The following PCDH15 variants were observed in gnomAD, a reference collection of about 807,000 sequenced individuals.
The protein encoded by PCDH15 is protocadherin-15.
In PCDH15, 129 loss-of-function variants were observed where a neutral mutation model predicts 178.5. The ratio of observed to expected loss-of-function variants is 0.72; its 90% confidence interval spans 0.63 to 0.84. The LOEUF (loss-of-function observed/expected upper bound fraction) is 0.84. Among genes scored for constraint, PCDH15 ranks in the 40% least tolerant of loss-of-function variants. PCDH15 has a pLI of 0.00. For synonymous variants in PCDH15, 800 were observed against 732.0 expected (o/e 1.09, Z -1.50); for missense variants, 2,230 against 2,099.9 (o/e 1.06, Z -1.21).
At chr10:55,407,143 T>C (rs1485984245) in intron 2 of PCDH15, among the ~76,000 whole-genome samples, 1 of 151,664 alleles carries the variant, frequency 6.6e-6, no homozygotes, top group African/African-American at 2.4e-5. Flanking sequence ...TGAAGATACA[T>C]GGATGGTTTT....
At chr10:55,012,150 A>C (rs1840060358) in intron 2 of PCDH15, among the ~76,000 whole-genome samples, 1 of 152,148 alleles carries the variant, frequency 6.6e-6, no homozygotes, top group Admixed American at 6.6e-5. Flanking sequence ...ATTTAAAAAT[A>C]ATCAAGTTGA....
At chr10:54,393,198 T>G (rs1452413990) in intron 3 of PCDH15, among the ~76,000 whole-genome samples, 5 of 152,172 alleles carry the variant, frequency 3.3e-5, no homozygotes, top group African/African-American at 1.2e-4. Flanking sequence ...AGTGGTGGTA[T>G]GAAGTCAAGT....
chr10:55,495,596 T>C (rs146645774), intron 2 of PCDH15, among the ~76,000 whole-genome samples: 1 of 151,810 alleles, frequency 6.6e-6, no homozygotes, highest in African/African-American at 2.4e-5. Context: ...ACATAATAAC[T>C]TGTGTGCTCC....
At chr10:54,940,325 A>G (rs1359008049) in intron 2 of PCDH15, among the ~76,000 whole-genome samples, 1 of 152,016 alleles carries the variant, frequency 6.6e-6, no homozygotes, top group African/African-American at 2.4e-5. Context: ...TAATGTCCAA[A>G]TATTTGTAAA....
At chr10:55,266,890 G>A (rs1348539388) in intron 1 of PCDH15, among the ~76,000 whole-genome samples, 9 of 152,192 alleles carry the variant, frequency 5.9e-5, no homozygotes, top group Non-Finnish European at 1.3e-4. Flanking sequence ...GCCTATAGAT[G>A]GCTAAACTGA....
At chr10:54,107,173 T>C (rs2094931287) in intron 15 of PCDH15, among the ~76,000 whole-genome samples, 1 of 152,200 alleles carries the variant, frequency 6.6e-6, no homozygotes, top group South Asian at 2.1e-4. Context: ...TCTGTTCTCT[T>C]ATATACTACT....
At chr10:54,822,675 G>A (rs1228411094) in intron 3 of PCDH15, among the ~76,000 whole-genome samples, 2 of 151,820 alleles carry the variant, frequency 1.3e-5, no homozygotes, top group Non-Finnish European at 2.9e-5. Flanking sequence ...TGGATCACAT[G>A]GTAATTCTAT....
chr10:54,260,670 T>G (rs891450131), intron 8 of PCDH15, among the ~76,000 whole-genome samples: 1 of 151,994 alleles, frequency 6.6e-6, no homozygotes, highest in Non-Finnish European at 1.5e-5. Flanking sequence ...AACCTCCACC[T>G]CCCCGGTTCA....
At chr10:53,954,085 C>T (rs1033724280) in intron 23 of PCDH15, among the ~76,000 whole-genome samples, 9 of 152,100 alleles carry the variant, frequency 5.9e-5, no homozygotes, top group Non-Finnish European at 1.0e-4. Context: ...CAACTGCGCC[C>T]GGCTGTAAAG....
intron 2 of PCDH15, among the ~76,000 whole-genome samples, chr10:55,025,468 A>T (rs1840453556): frequency 2.6e-5 from 4 of 152,138 alleles, no homozygotes; most frequent in African/African-American, 9.6e-5. Flanking sequence ...TCATCTATTT[A>T]CAGCCATTCT....
intron 2 of PCDH15, among the ~76,000 whole-genome samples, chr10:55,036,778 C>G (rs546223818): frequency 6.6e-6 from 1 of 152,084 alleles, no homozygotes; most frequent in Non-Finnish European, 1.5e-5. Context: ...AAACTATAAA[C>G]AATAAACTTA....
intron 1 of PCDH15, among the ~76,000 whole-genome samples, chr10:55,175,213 C>T (rs1252970244): frequency 6.6e-6 from 1 of 152,092 alleles, no homozygotes; most frequent in African/African-American, 2.4e-5. Flanking sequence ...AACACTAAGC[C>T]TCTCAGTTAC....
intron 13 of PCDH15, among the ~76,000 whole-genome samples, chr10:54,156,990 A>C (rs1187370737): frequency 6.6e-6 from 1 of 152,204 alleles, no homozygotes; most frequent in African/African-American, 2.4e-5. Flanking sequence ...GTGGGTTTCC[A>C]TGCTCATAGG....
At chr10:55,587,846 G>A (rs1489853209) in intron 2 of PCDH15, among the ~76,000 whole-genome samples, 1 of 152,140 alleles carries the variant, frequency 6.6e-6, no homozygotes, top group Admixed American at 6.5e-5. Flanking sequence ...GTCTGAAAGA[G>A]TATCTGAACA....
In PCDH15 at chr10:55,158,171, C is replaced by CGT. The variant is rs1564847568; in HGVS notation, c.-80+8404_-80+8405insAC. 5.5e-3 allele frequency among the ~76,000 whole-genome samples: 833 copies of CGT among 151,498 alleles called. 6 individuals carry two copies. The highest frequency in any genetic ancestry group is 0.019 in the African/African-American group (781 of 41,358). On this transcript the variant is annotated intron_variant, in intron 2 of 5. Transcript: ENST00000458638. Reference sequence around the variant, plus strand: ...TTCATGTTTTATACTCACACACACACGCACACACATTTGTATGTATACAAA... The same window carrying CGT: ...TTCATGTTTTATACTCACACACACACGTGCACACACATTTGTATGTATACAAA...
chr10:55,422,298 A>G (rs1838641180), intron 2 of PCDH15, among the ~76,000 whole-genome samples: 1 of 151,924 alleles, frequency 6.6e-6, no homozygotes, highest in Non-Finnish European at 1.5e-5. Flanking sequence ...AAAATTTAAC[A>G]AAACAGAACT....
intron 2 of PCDH15, among the ~76,000 whole-genome samples, chr10:54,572,702 A>G (rs1031870897): frequency 1.3e-5 from 2 of 152,160 alleles, no homozygotes; most frequent in East Asian, 1.9e-4. Flanking sequence ...TATTATTACA[A>G]TGAGTTCTAG....
intron 1 of PCDH15, among the ~76,000 whole-genome samples, chr10:54,771,942 A>T (rs1489650846): frequency 1.3e-5 from 2 of 152,184 alleles, no homozygotes; most frequent in Non-Finnish European, 2.9e-5. Flanking sequence ...ACCACATTGC[A>T]AAATAGAAAG....
At chr10:54,585,562 A>G (rs1400224871) in intron 2 of PCDH15, 1 of 232,344 alleles carries the variant, frequency 4.3e-6, no homozygotes, top group Non-Finnish European at 9.2e-6. Context: ...ACCAATAGTT[A>G]ACAAATAATT....
Sources: allele counts gnomAD v4.1 joint callset (sites outside exome capture counted in the v4.1 genomes callset), GRCh38; gene constraint gnomAD v4.1.1; transcripts MANE v1.5; gene names NCBI Gene and HGNC (gene_info 2026-07-23, HGNC 2026-07-21).